Variants in CLASP1 observed in about 807,000 individuals in gnomAD.
CLASP1 encodes cytoplasmic linker associated protein 1.
Under a neutral mutation model 192.3 loss-of-function variants are expected in CLASP1, and 38 were observed. The ratio of observed to expected loss-of-function variants is 0.20; its 90% CI spans 0.15 to 0.26. The LOEUF (loss-of-function observed/expected upper bound fraction) is 0.26, where lower values mean the gene tolerates loss of function less well. CLASP1 is among the 10% of genes least tolerant of loss of function. The pLI, the probability that CLASP1 is intolerant of heterozygous loss-of-function variation, is 1.00. For missense variants in CLASP1, 1,433 were observed against 1,932.5 expected (o/e 0.74, Z 4.85); for synonymous variants, 691 against 712.8 (o/e 0.97, Z 0.49).
intron 8 of CLASP1, among the ~76,000 whole-genome samples, chr2:121,480,454 C>G (rs1399249138): frequency 6.6e-6 from 1 of 152,198 alleles, no homozygotes; most frequent in African/African-American, 2.4e-5. Flanking sequence ...CAGAGAGATG[C>G]AGGCATACTC....
At chr2:121,505,448 C>G (rs1170919330) in intron 7 of CLASP1, 2 of 152,244 alleles carry the variant, frequency 1.3e-5, no homozygotes, top group Admixed American at 1.3e-4. Flanking sequence ...CCCTCATTCT[C>G]TGCTCATTAA....
chr2:121,640,671 C>A (rs2071882497), intron 1 of CLASP1, among the ~76,000 whole-genome samples: 1 of 146,512 alleles, frequency 6.8e-6, no homozygotes, highest in Admixed American at 6.7e-5. Context: ...GAAGGAAGAA[C>A]AACCTGAGCT....
intron 2 of CLASP1, among the ~76,000 whole-genome samples, chr2:121,567,606 T>A (rs752474807): frequency 2.0e-4 from 30 of 152,208 alleles, no homozygotes; most frequent in Non-Finnish European, 1.3e-4. Context: ...CGTGCAAACG[T>A]CTCCTCTGCT....
chr2:121,347,223 C>A, intron 38 of CLASP1, 69 bp from the exon 40 acceptor site: 1 of 1,056,068 alleles, frequency 9.5e-7, no homozygotes, highest in South Asian at 1.4e-5. Flanking sequence ...AACATCTCAT[C>A]AACGTTTCCA....
intron 24 of CLASP1, 81 bp from the exon 26 acceptor site, chr2:121,407,796 CTACAACAAAGAGT>C (rs1455972745): frequency 2.7e-6 from 4 of 1,497,780 alleles, no homozygotes; most frequent in Non-Finnish European, 2.8e-6. Flanking sequence ...CAAACAAAAT[CTACAACAAAGAGT>C]TAAGTGTAAA....
At chr2:121,401,809 T>C (rs186968443) in intron 27 of CLASP1, 59 bp downstream of exon 28, 12 of 800,824 alleles carry the variant, frequency 1.5e-5, no homozygotes, top group Admixed American at 6.9e-5. Flanking sequence ...CAACTGTTCA[T>C]AGTACAGAAG....
intron 2 of CLASP1, among the ~76,000 whole-genome samples, chr2:121,564,283 C>T (rs2059331251): frequency 6.6e-6 from 1 of 152,140 alleles, no homozygotes; most frequent in African/African-American, 2.4e-5. Context: ...ATAAATGTTC[C>T]ATGTACGAAC....
chr2:121,339,105 G>A (rs999598666), exon 40 of CLASP1: 3 of 150,870 alleles, frequency 2.0e-5, no homozygotes, highest in African/African-American at 7.5e-5. Context: ...CACATGTGTA[G>A]GGTGCACGCA....
At position 121,529,455 on chromosome 2, in the gene CLASP1, C is replaced by T. The variant is rs375458033; in HGVS notation, c.275-675G>A. Among the ~76,000 whole-genome samples, 3 of 152,164 alleles carry T rather than the reference C, an allele frequency of 2.0e-5. No homozygotes were observed. The South Asian group carries it at 6.2e-4, about 31-fold the overall frequency. On this transcript the variant is annotated intron_variant, in intron 3 of 39. Transcript: ENST00000263710. ...TAAAAGCTTTTTTTAAATTTGTAAACAGTCGGTGCTCATGACCTTTTCAGA... is the reference window on the plus strand; with the variant it reads ...TAAAAGCTTTTTTTAAATTTGTAAATAGTCGGTGCTCATGACCTTTTCAGA...
chr2:121,575,211 A>AC (rs2060392297), intron 2 of CLASP1, among the ~76,000 whole-genome samples: 1 of 151,866 alleles, frequency 6.6e-6, no homozygotes, highest in Non-Finnish European at 1.5e-5. Context: ...TCCCAGGTTC[A>AC]AGCAATTCTC....
At chr2:121,497,696 G>A (rs1353467295) in intron 8 of CLASP1, among the ~76,000 whole-genome samples, 2 of 151,962 alleles carry the variant, frequency 1.3e-5, no homozygotes, top group African/African-American at 4.8e-5. Context: ...AAACTAGGAG[G>A]AGGTCAGACC....
At chr2:121,539,290 T>C (rs1436752850) in intron 2 of CLASP1, among the ~76,000 whole-genome samples, 1 of 152,114 alleles carries the variant, frequency 6.6e-6, no homozygotes, top group East Asian at 1.9e-4. Flanking sequence ...ATTAAGACAA[T>C]GTGCTATCAG....
chr2:121,343,755 T>TCTTCGA (rs2063084754), intron 39 of CLASP1, among the ~76,000 whole-genome samples: 1 of 152,184 alleles, frequency 6.6e-6, no homozygotes, highest in Non-Finnish European at 1.5e-5. Context: ...GTGATGGTTA[T>TCTTCGA]ACAACAATAT....
At chr2:121,356,540 A>T (rs923345604) in intron 37 of CLASP1, among the ~76,000 whole-genome samples, 1 of 152,224 alleles carries the variant, frequency 6.6e-6, no homozygotes, top group Non-Finnish European at 1.5e-5. Context: ...AGCTTGGGGT[A>T]AATTTCTTCA....
intron 23 of CLASP1, among the ~76,000 whole-genome samples, chr2:121,414,417 C>T (rs2149528513): frequency 6.6e-6 from 1 of 152,294 alleles, no homozygotes; most frequent in East Asian, 1.9e-4. Context: ...AACACACAGG[C>T]ACAACAAAGG....
At chr2:121,558,075 G>A (rs545469255) in intron 2 of CLASP1, among the ~76,000 whole-genome samples, 65 of 144,236 alleles carry the variant, frequency 4.5e-4, no homozygotes, top group African/African-American at 1.5e-3. Context: ...GTGAGACTCC[G>A]TCTCAAAAAG....
At chr2:121,437,125 G>A (rs2082435309) in intron 19 of CLASP1, among the ~76,000 whole-genome samples, 1 of 151,854 alleles carries the variant, frequency 6.6e-6, no homozygotes, top group Admixed American at 6.6e-5. Flanking sequence ...ACCATGCTTG[G>A]CTAACTGTAA....
intron 2 of CLASP1, among the ~76,000 whole-genome samples, chr2:121,601,556 C>T (rs148040598): frequency 1.2e-4 from 19 of 152,144 alleles, no homozygotes; most frequent in African/African-American, 2.9e-4. Flanking sequence ...AGGCATGAGC[C>T]GTCGCACTCA....
intron 2 of CLASP1, among the ~76,000 whole-genome samples, chr2:121,604,481 C>G (rs1004582049): frequency 6.6e-6 from 1 of 152,082 alleles, no homozygotes; most frequent in Non-Finnish European, 1.5e-5. Flanking sequence ...CCAGCCCGGG[C>G]AACATGGTAA....
Sources: allele counts gnomAD v4.1 joint callset (sites outside exome capture counted in the v4.1 genomes callset), GRCh38; gene constraint gnomAD v4.1.1; transcripts MANE v1.5; gene names NCBI Gene and HGNC (gene_info 2026-07-23, HGNC 2026-07-21).